Variants in TRAF3 observed in about 807,000 individuals in gnomAD.
TRAF3 encodes TNF receptor associated factor 3, also known as TNF receptor-associated factor 3.
A neutral mutation model predicts 62.3 loss-of-function variants in TRAF3; 13 were observed. The ratio of observed to expected loss-of-function variants is 0.21; its 90% CI spans 0.14 to 0.33. TRAF3 has a LOEUF of 0.33. TRAF3 is among the 10% of genes least tolerant of loss of function. The probability of loss-of-function intolerance (pLI) is 1.00; values close to 1 mark genes in which losing one functional copy is unlikely to be tolerated. For synonymous variants in TRAF3, 269 were observed against 283.4 expected (o/e 0.95, Z 0.51); for missense variants, 440 against 741.8 (o/e 0.59, Z 4.73).
At chr14:102,807,378 C>G (rs1033224887) in intron 1 of TRAF3, among the ~76,000 whole-genome samples, 1 of 152,210 alleles carries the variant, frequency 6.6e-6, no homozygotes, top group African/African-American at 2.4e-5. Context: ...TCTCTCCATG[C>G]CTGCACCTGG....
chr14:102,785,321 C>A (rs1416860406), intron 1 of TRAF3, among the ~76,000 whole-genome samples: 1 of 152,196 alleles, frequency 6.6e-6, no homozygotes, highest in African/African-American at 2.4e-5. Context: ...TCTCCTTTGA[C>A]ACATTTGGAT....
chr14:102,825,508 CCCT>C (rs1257007022), intron 1 of TRAF3, among the ~76,000 whole-genome samples: 1 of 152,220 alleles, frequency 6.6e-6, no homozygotes, highest in African/African-American at 2.4e-5. Flanking sequence ...AGCTGTGGGG[CCCT>C]CCTCTGTAGG....
Position 102,876,505 on chromosome 14 carries a change from G to T in TRAF3, c.550G>T (p.Val184Phe). 6.2e-7 allele frequency: 1 copy of T among 1,614,046 alleles called. No homozygotes were observed. Among genetic ancestry groups the T allele is most frequent in the Non-Finnish European group, 8.5e-7 (1 of 1,179,980 alleles). Reference sequence around the variant, plus strand: ...CACATGCAGCCACTGCAAGAGTCAGGTTCCGATGATCGCGCTGCAGGTGCG... The same window carrying T: ...CACATGCAGCCACTGCAAGAGTCAGTTTCCGATGATCGCGCTGCAGGTGCG... ...EATCSHCKSQVPMIALQKHED... is the reference protein window; with the variant it reads ...EATCSHCKSQFPMIALQKHED... The change falls in exon 6 of 12, where the codon GTT (valine) becomes TTT (phenylalanine). Residue 184 changes from valine to phenylalanine, a missense_variant. This residue lies in a region of TRAF3 where 255 missense variants were observed against 424.1 expected (regional missense o/e 0.60). Transcript: ENST00000392745.
intron 2 of TRAF3, among the ~76,000 whole-genome samples, chr14:102,864,124 A>C (rs1887835460): frequency 6.8e-6 from 1 of 147,986 alleles, no homozygotes; most frequent in Non-Finnish European, 1.5e-5. Flanking sequence ...AAAATAGTAG[A>C]TTCTAACGGT....
chr14:102,792,113 C>CTTTTTTTTTTTTTTTTTT lies in TRAF3; in HGVS notation c.-157+14448_-157+14465dup, dbSNP rs35895214. ...ACAGGTGCGAGCCACTGTGCCTGGA[C>CTTTTTTTTTTTTTTTTTT]TTTTTTTTTTTTTTTTTTTTTTTTT... On this transcript the variant is annotated intron_variant, in intron 1 of 11. Transcript: ENST00000392745. Among the ~76,000 whole-genome samples the CTTTTTTTTTTTTTTTTTT allele has an allele frequency of 1.0e-4, 10 of 97,702 alleles. 5 individuals carry two copies. The highest frequency in any genetic ancestry group is 1.7e-4 in the African/African-American group (4 of 23,854). The allele number at this position is 97,702 out of a possible 152,430, so 64.1% of individuals were successfully genotyped here.
chr14:102,807,707 C>T (rs1898858602), intron 1 of TRAF3, among the ~76,000 whole-genome samples: 1 of 152,158 alleles, frequency 6.6e-6, no homozygotes, highest in South Asian at 2.1e-4. Context: ...ATTAAAAGAA[C>T]TAAGCCATTA....
At chr14:102,812,326 G>A (rs996218403) in intron 1 of TRAF3, among the ~76,000 whole-genome samples, 3 of 152,040 alleles carry the variant, frequency 2.0e-5, no homozygotes, top group Non-Finnish European at 2.9e-5. Context: ...TGCTGTGAAC[G>A]ACAGGATTTC....
At chr14:102,857,285 AT>A (rs1440273992) in intron 2 of TRAF3, among the ~76,000 whole-genome samples, 4 of 152,228 alleles carry the variant, frequency 2.6e-5, no homozygotes, top group Non-Finnish European at 5.9e-5. Context: ...AAAACAACTG[AT>A]GAGACTAGAA....
intron 7 of TRAF3, 65 bp from the exon 8 acceptor site, chr14:102,889,495 C>CT (rs1375376447): frequency 6.6e-7 from 1 of 1,521,412 alleles, no homozygotes; most frequent in Non-Finnish European, 9.1e-7. Flanking sequence ...TATCTGTGCC[C>CT]TAATATGTTT....
At chr14:102,823,427 T>C (rs1002709914) in intron 1 of TRAF3, among the ~76,000 whole-genome samples, 5 of 152,208 alleles carry the variant, frequency 3.3e-5, no homozygotes, top group African/African-American at 1.2e-4. Flanking sequence ...AAGTGCTACA[T>C]TTGCACAAAT....
chr14:102,844,920 C>T (rs902137182), intron 2 of TRAF3, among the ~76,000 whole-genome samples: 3 of 151,488 alleles, frequency 2.0e-5, no homozygotes, highest in Non-Finnish European at 2.9e-5. Flanking sequence ...TTTTTTGAGA[C>T]GGAGTCTCGC....
chr14:102,778,483 G>A (rs973995791), intron 1 of TRAF3, among the ~76,000 whole-genome samples: 2 of 152,218 alleles, frequency 1.3e-5, no homozygotes, highest in Admixed American at 1.3e-4. Flanking sequence ...GGAAATGCAA[G>A]AAACCTTCAG....
chr14:102,788,085 G>T (rs1047361193), intron 1 of TRAF3, among the ~76,000 whole-genome samples: 1 of 151,620 alleles, frequency 6.6e-6, no homozygotes, highest in African/African-American at 2.4e-5. Flanking sequence ...GAACTCCTGT[G>T]CTCAAGGGAT....
intron 2 of TRAF3, among the ~76,000 whole-genome samples, chr14:102,843,309 A>G (rs1272375164): frequency 1.4e-5 from 2 of 144,472 alleles, no homozygotes; most frequent in Admixed American, 6.7e-5. Flanking sequence ...TCAGATAGAA[A>G]GAAAATAATA....
At chr14:102,837,150 T>G (rs56098062) in intron 2 of TRAF3, among the ~76,000 whole-genome samples, 5,028 of 142,812 alleles carry the variant, frequency 0.035, 116 homozygotes, top group Middle Eastern at 0.075. Flanking sequence ...GTGTTTTTTT[T>G]GGGGGGGGGT....
chr14:102,823,682 G>T (rs1900114035), intron 1 of TRAF3, among the ~76,000 whole-genome samples: 1 of 152,134 alleles, frequency 6.6e-6, no homozygotes, highest in African/African-American at 2.4e-5. Context: ...TCATTAAGTG[G>T]TGTCTATTGG....
intron 2 of TRAF3, among the ~76,000 whole-genome samples, chr14:102,865,325 A>G (rs1027934257): frequency 6.6e-6 from 1 of 152,064 alleles, no homozygotes; most frequent in African/African-American, 2.4e-5. Context: ...TTTGTTTAGA[A>G]AGCATATTTT....
chr14:102,828,835 A>C (rs570839380), intron 1 of TRAF3, among the ~76,000 whole-genome samples: 26 of 152,314 alleles, frequency 1.7e-4, no homozygotes, highest in African/African-American at 6.3e-4. Flanking sequence ...TGATTTGCTA[A>C]ACGTAGTTGG....
chr14:102,825,813 G>A (rs56330734), intron 1 of TRAF3, among the ~76,000 whole-genome samples: 35,649 of 152,158 alleles, frequency 0.23, 4,659 homozygotes, highest in East Asian at 0.39. Flanking sequence ...GTCTAGAAGC[G>A]CTTGATGAAA....
Sources: gnomAD v4.1 joint callset for allele counts (sites outside exome capture counted in the v4.1 genomes callset) on GRCh38, gnomAD v4.1.1 for gene constraint, gnomAD v4.1.1 regional missense constraint, MANE v1.5 for transcripts, NCBI Gene and HGNC (gene_info 2026-07-23, HGNC 2026-07-21) for gene names.